Variants in SFI1 observed in about 807,000 individuals in gnomAD.
SFI1 encodes the protein protein SFI1 homolog.
SFI1 carries 195 observed loss-of-function variants against 207.5 expected under a neutral mutation model. The observed-to-expected ratio is 0.94, with a 90% CI of 0.84 to 1.06. The LOEUF is 1.06. SFI1 is among the 50% of genes least tolerant of loss of function. The pLI is 0.00. For missense variants in SFI1, 1,634 were observed against 1,588.0 expected (o/e 1.03, Z -0.49); for synonymous variants, 630 against 598.9 (o/e 1.05, Z -0.76).
intron 2 of SFI1, among the ~76,000 whole-genome samples, chr22:31,523,212 C>T (rs946670021): frequency 6.6e-6 from 1 of 152,186 alleles, no homozygotes; most frequent in African/African-American, 2.4e-5. Flanking sequence ...TTTTCTCCTT[C>T]ACATTCCTTC....
intron 8 of SFI1, among the ~76,000 whole-genome samples, chr22:31,565,567 C>T (rs1002606018): frequency 2.6e-5 from 4 of 151,086 alleles, no homozygotes; most frequent in Non-Finnish European, 5.9e-5. Flanking sequence ...GACGTGGTGG[C>T]GCATGCCTGT....
At chr22:31,513,381 A>G (rs1292887763) in intron 2 of SFI1, among the ~76,000 whole-genome samples, 1 of 150,756 alleles carries the variant, frequency 6.6e-6, no homozygotes, top group Admixed American at 6.6e-5. Flanking sequence ...CTGGTCTTGA[A>G]CTCCTGGCCT....
Position 31,517,762 on chromosome 22 carries a change from C to G in SFI1, c.92+9386C>G, listed in dbSNP as rs1230694080. On this transcript the variant is annotated intron_variant, in intron 2 of 32. Coordinates refer to ENST00000400288, the MANE Select transcript of SFI1 (RefSeq NM_001007467.3). ...ACTCAAGTGTCCATTAAGGCCAAGT[C>G]TGTCTCTTGGCTATGTACCTTGTTC... is the stretch of plus-strand genomic sequence containing the variant. Among the ~76,000 whole-genome samples, 4 of 152,226 alleles carry G rather than the reference C, an allele frequency of 2.6e-5. No individual in the cohort carries two copies. In the East Asian group the frequency reaches 7.7e-4, roughly 29 times the overall value.
intron 11 of SFI1, among the ~76,000 whole-genome samples, chr22:31,579,872 T>C (rs2063909267): frequency 6.6e-6 from 1 of 152,212 alleles, no homozygotes; most frequent in Non-Finnish European, 1.5e-5. Context: ...TACAAATGTA[T>C]GCACTGAGCC....
At chr22:31,522,647 A>G (rs1328396644) in intron 2 of SFI1, among the ~76,000 whole-genome samples, 1 of 152,050 alleles carries the variant, frequency 6.6e-6, no homozygotes, top group African/African-American at 2.4e-5. Flanking sequence ...AGGTTTCTGT[A>G]TCAGAATTTT....
chr22:31,562,931 C>T (rs1014919687), intron 8 of SFI1, among the ~76,000 whole-genome samples: 10 of 151,012 alleles, frequency 6.6e-5, no homozygotes, highest in Admixed American at 4.7e-4. Context: ...CACATCCGGC[C>T]GCTTGGAGCC....
chr22:31,498,595 G>A (rs1469127507), intron 1 of SFI1, among the ~76,000 whole-genome samples: 1 of 150,542 alleles, frequency 6.6e-6, no homozygotes, highest in Non-Finnish European at 1.5e-5. Flanking sequence ...AGGTTGCAGT[G>A]AGCCAAGACT....
chr22:31,597,696 C>G (rs984525422), intron 15 of SFI1, among the ~76,000 whole-genome samples: 1 of 152,144 alleles, frequency 6.6e-6, no homozygotes, highest in Non-Finnish European at 1.5e-5. Flanking sequence ...ATTTGTGACT[C>G]TCATGGTAAG....
intron 2 of SFI1, among the ~76,000 whole-genome samples, chr22:31,511,124 A>G (rs2055437945): frequency 1.3e-5 from 2 of 152,158 alleles, no homozygotes; most frequent in African/African-American, 4.8e-5. Flanking sequence ...TTCAGCAGGT[A>G]TTATGGACCC....
At chr22:31,597,530 A>G (rs2067334211) in intron 15 of SFI1, among the ~76,000 whole-genome samples, 1 of 152,148 alleles carries the variant, frequency 6.6e-6, no homozygotes. Flanking sequence ...TGTCTCTCTG[A>G]GCCTCAGTCT....
At chr22:31,566,374 T>C (rs1272784802) in intron 8 of SFI1, among the ~76,000 whole-genome samples, 1 of 152,238 alleles carries the variant, frequency 6.6e-6, no homozygotes, top group East Asian at 1.9e-4. Flanking sequence ...ATTACAGGCG[T>C]GAGCCACCAT....
intron 1 of SFI1, among the ~76,000 whole-genome samples, chr22:31,501,622 G>A (rs573536978): frequency 1.3e-3 from 198 of 152,276 alleles, no homozygotes; most frequent in Middle Eastern, 0.01. Context: ...CCCTCCAGCT[G>A]TAAAATGAAG....
At chr22:31,578,596 G>A in intron 11 of SFI1, 144 bp downstream of exon 11, 1 of 639,910 alleles carries the variant, frequency 1.6e-6, no homozygotes, top group South Asian at 2.3e-5. Flanking sequence ...TTCATTGTGG[G>A]TGTCCTTCTT....
chr22:31,508,514 A>G (rs1180718132), intron 2 of SFI1, 138 bp downstream of exon 2: 24 of 609,596 alleles, frequency 3.9e-5, no homozygotes, highest in Non-Finnish European at 5.1e-5. Flanking sequence ...TGATATTTCA[A>G]ATTTTTCATC....
chr22:31,611,192 A>G lies in SFI1; in HGVS notation c.2304A>G (p.Ser768=), dbSNP rs765402277. ...FQRWWDCSRR[S]AQQRLQLERA... ...GCTGGTGGGACTGCAGCCGGAGGTC[A>G]GCCCAGCAGAGACTGCAGCTGGAGA... Residue 768 remains serine, a synonymous_variant, in exon 23 of 33, where the codon TCA becomes TCG. Coordinates refer to ENST00000400288, the MANE Select transcript of SFI1 (RefSeq NM_001007467.3). The G allele has an allele frequency of 6.8e-6, 11 of 1,613,982 alleles. No individual in the cohort carries two copies. In the South Asian group the frequency reaches 1.1e-4, roughly 16 times the overall value.
chr22:31,607,052 G>A (rs975884581), intron 21 of SFI1, among the ~76,000 whole-genome samples: 4 of 151,794 alleles, frequency 2.6e-5, no homozygotes, highest in Admixed American at 6.6e-5. Flanking sequence ...AACAGAGCAA[G>A]GTTGTCTCAA....
At chr22:31,519,528 G>A (rs532176425) in intron 2 of SFI1, among the ~76,000 whole-genome samples, 4 of 151,680 alleles carry the variant, frequency 2.6e-5, no homozygotes, top group South Asian at 2.1e-4. Flanking sequence ...CATCTGCCTC[G>A]TGGGTTCAAG....
At chr22:31,539,725 C>CT (rs1016473787) in intron 4 of SFI1, among the ~76,000 whole-genome samples, 2,200 of 146,866 alleles carry the variant, frequency 0.015, 14 homozygotes, top group Middle Eastern at 0.032. Context: ...TTTTAGAAGC[C>CT]TTTTTTTTTT....
intron 4 of SFI1, among the ~76,000 whole-genome samples, chr22:31,546,024 C>A (rs1234856169): frequency 3.3e-5 from 5 of 151,758 alleles, no homozygotes; most frequent in East Asian, 2.0e-4. Context: ...TCCCAGGTAG[C>A]TGGGACTACA....
Sources: gnomAD v4.1 joint callset for allele counts (sites outside exome capture counted in the v4.1 genomes callset) on GRCh38, gnomAD v4.1.1 for gene constraint, MANE v1.5 for transcripts, NCBI Gene and HGNC (gene_info 2026-07-23, HGNC 2026-07-21) for gene names.